The following TIGD1 variants were observed in gnomAD, a reference collection of about 807,000 sequenced individuals.
The protein encoded by TIGD1 is tigger transposable element derived 1, also known as tigger transposable element-derived protein 1.
A neutral mutation model predicts 21.3 loss-of-function variants in TIGD1; 20 were observed. The observed-to-expected ratio is 0.94, with a 90% CI of 0.66 to 1.36. The LOEUF (loss-of-function observed/expected upper bound fraction) is 1.36, where lower values mean the gene tolerates loss of function less well. TIGD1 is among the 40% of genes most tolerant of loss of function. The pLI, the probability that TIGD1 is intolerant of heterozygous loss-of-function variation, is 0.00. For missense variants in TIGD1, 556 were observed against 350.5 expected (o/e 1.59, Z -4.68); for synonymous variants, 177 against 123.2 (o/e 1.44, Z -2.89).
chr2:232,549,942 CAAG>C lies in TIGD1; in HGVS notation c.-63_-61del, dbSNP rs2106227594. 4 of 957,812 alleles carry C rather than the reference CAAG, an allele frequency of 4.2e-6. No individual in the cohort carries two copies. The South Asian group carries it at 7.2e-5, about 17-fold the overall frequency. The allele number at this position is 957,812 out of a possible 1,614,324, so 59.3% of individuals were successfully genotyped here. A position where few individuals can be genotyped will look rare whatever the true frequency, so the allele number is the denominator to read the frequency against. ...TTGTGTCTCAGGGAATAGGGAGGCC[CAAG>C]AAGAGGGAGAGAGATGGGGAACGGT... On this transcript the variant is annotated 5_prime_UTR_variant, in exon 1 of 1. Coordinates refer to ENST00000408957, the MANE Select transcript of TIGD1 (RefSeq NM_145702.4).
rs945826168 is a variant in TIGD1, at chr2:232,549,251, C to G, written c.632G>C (p.Gly211Ala). The G allele has an allele frequency of 3.0e-6, 2 of 664,740 alleles. No individual in the cohort carries two copies. Among genetic ancestry groups the G allele is most frequent in the Admixed American group, 4.2e-5 (2 of 47,080 alleles). 41.2% of individuals were successfully genotyped at this position (664,740 alleles called of 1,614,324 possible). Residue 211 changes from glycine to alanine, a missense_variant, in exon 1 of 1, where the codon GGC (glycine) becomes GCC (alanine). Transcript: ENST00000408957. ...FIAREEKSVP[G>A]FKASKDRLTL... ...CAGCCTGTCCTTTGAAGCTTTGAAGCCAGGCACTGACTTCTCCTCTCTAGC... is the reference window on the plus strand; with the variant it reads ...CAGCCTGTCCTTTGAAGCTTTGAAGGCAGGCACTGACTTCTCCTCTCTAGC...
chr2:232,545,619 G>A lies in TIGD1; in HGVS notation c.*2488C>T, dbSNP rs751750221. On this transcript the variant is annotated 3_prime_UTR_variant, in exon 1 of 1. Coordinates refer to ENST00000408957, the MANE Select transcript of TIGD1 (RefSeq NM_145702.4). ...CTGGCCATGCTCTCGCTCTTCATCTGTGGCACAGCTGGCATCTTCCTCATG... is the reference window on the plus strand; with the variant it reads ...CTGGCCATGCTCTCGCTCTTCATCTATGGCACAGCTGGCATCTTCCTCATG... 52 of 1,614,030 alleles carry A rather than the reference G, an allele frequency of 3.2e-5. No homozygotes were observed. The highest frequency in any genetic ancestry group is 4.1e-5 in the Non-Finnish European group (48 of 1,180,038).
Position 232,549,807 on chromosome 2 carries a change from G to A in TIGD1, c.76C>T (p.Leu26=), listed in dbSNP as rs1692239013. 1 of 1,546,394 alleles carries A rather than the reference G, an allele frequency of 6.5e-7. No homozygotes were observed. The part of the protein sequence containing the change: ...TLNQKLEMIK[L]SEEGMSKAEI... ...GCTTTTGACATACCTTCCTCACTCA[G>A]TTTAATCATTTCTAGTTTTTGATTT... is the stretch of plus-strand genomic sequence containing the variant. The change falls in exon 1 of 1, where the codon CTG becomes TTG. Residue 26 remains leucine, a synonymous_variant. Coordinates refer to ENST00000408957, the MANE Select transcript of TIGD1 (RefSeq NM_145702.4).
In TIGD1 at chr2:232,545,513, G is replaced by A. The variant is rs1692112040; in HGVS notation, c.*2594C>T. On this transcript the variant is annotated 3_prime_UTR_variant, in exon 1 of 1. Coordinates refer to ENST00000408957, the MANE Select transcript of TIGD1 (RefSeq NM_145702.4). ...CCAGGGAAGACCTGGTGCCGCCGCT[G>A]GTTATCCCACACCTGCCTCCCACCC... is the stretch of plus-strand genomic sequence containing the variant. 2 of 1,608,630 alleles carry A rather than the reference G, an allele frequency of 1.2e-6. No individual in the cohort carries two copies. The highest frequency in any genetic ancestry group is 2.2e-5 in the East Asian group (1 of 44,738).
Position 232,547,930 on chromosome 2 carries a change from G to A in TIGD1, c.*177C>T. 1 of 444,186 alleles carries A rather than the reference G, an allele frequency of 2.3e-6. No homozygotes were observed. Among genetic ancestry groups the A allele is most frequent in the East Asian group, 3.5e-5 (1 of 28,506 alleles). The allele number at this position is 444,186 out of a possible 1,614,324, so 27.5% of individuals were successfully genotyped here. A position where few individuals can be genotyped will look rare whatever the true frequency, so the allele number is the denominator to read the frequency against. Reference sequence around the variant, plus strand: ...GAGGCATACCTCAAAGACATTGCAGGTTCAGTTCCAGACCAACACAAGAAA... The same window carrying A: ...GAGGCATACCTCAAAGACATTGCAGATTCAGTTCCAGACCAACACAAGAAA... On this transcript the variant is annotated 3_prime_UTR_variant, in exon 1 of 1. Coordinates refer to ENST00000408957, the MANE Select transcript of TIGD1 (RefSeq NM_145702.4).
In TIGD1 at chr2:232,549,566, T is replaced by C. The variant is rs1405628978; in HGVS notation, c.317A>G (p.Gln106Arg). 2.2e-5 allele frequency: 15 copies of C among 673,810 alleles called. No individual in the cohort carries two copies. Among genetic ancestry groups the C allele is most frequent in the Non-Finnish European group, 3.7e-5 (14 of 374,678 alleles). 41.7% of individuals were successfully genotyped at this position (673,810 alleles called of 1,614,324 possible). Residue 106 changes from glutamine (Q) to arginine (R), a missense_variant, in exon 1 of 1, where the codon CAG becomes CGG. Coordinates refer to ENST00000408957, the MANE Select transcript of TIGD1 (RefSeq NM_145702.4). Reference sequence around the variant, plus strand: ...GTTGAAGAGAGTTAGGGCTTTGTTCTGGATTAGGCTTTGGCTTAAGGGAAT... The same window carrying C: ...GTTGAAGAGAGTTAGGGCTTTGTTCCGGATTAGGCTTTGGCTTAAGGGAAT... ...RNIPLSQSLI[Q>R]NKALTLFNSM...
Position 232,544,469 on chromosome 2 carries a change from G to A in TIGD1, c.*3638C>T, listed in dbSNP as rs1356150480. 2.5e-6 allele frequency: 4 copies of A among 1,613,676 alleles called. No individual in the cohort carries two copies. In the Admixed American group the frequency reaches 5.0e-5, roughly 20 times the overall value. Reference sequence around the variant, plus strand: ...GTCCCGGCTACAGAATGGCTCCTCGGGATGGTCGATCACAACTGGGGAGGA... The same window carrying A: ...GTCCCGGCTACAGAATGGCTCCTCGAGATGGTCGATCACAACTGGGGAGGA... On this transcript the variant is annotated 3_prime_UTR_variant, in exon 1 of 1. Coordinates refer to ENST00000408957, the MANE Select transcript of TIGD1 (RefSeq NM_145702.4).
rs974523110 is a variant in TIGD1 at position 232,545,834 on chromosome 2, T to C, written c.*2273A>G. 5.1e-6 allele frequency: 6 copies of C among 1,174,750 alleles called. No individual in the cohort carries two copies. The highest frequency in any genetic ancestry group is 1.8e-5 in the Admixed American group (1 of 55,074). 72.8% of individuals were successfully genotyped at this position (1,174,750 alleles called of 1,614,324 possible). On this transcript the variant is annotated 3_prime_UTR_variant, in exon 1 of 1. Coordinates refer to ENST00000408957, the MANE Select transcript of TIGD1 (RefSeq NM_145702.4). ...CTCTTTGGGAAGTGCCCTTCAGGAC[T>C]GTGTGAGCCAAACAGCCCTGAGAAA...
rs1361852837 is a variant in TIGD1, at chr2:232,548,519, AAAGTTTT to A, written c.1357_1363del (p.Lys453Ter). On this transcript the variant is annotated frameshift_variant, in exon 1 of 1. Transcript: ENST00000408957. LOFTEE classifies it high-confidence loss of function. The stretch of plus-strand genomic sequence containing the variant: ...CATAAGAAACAACTCCTCATCTGTT[AAAGTTTT>A]ATCATGAGATTGCAGCAATTCAGTT... 1 of 652,452 alleles carries A rather than the reference AAAGTTTT, an allele frequency of 1.5e-6. No homozygotes were observed. Among genetic ancestry groups the A allele is most frequent in the African/African-American group, 1.8e-5 (1 of 56,454 alleles). The allele number at this position is 652,452 out of a possible 1,614,324, so 40.4% of individuals were successfully genotyped here. A position where few individuals can be genotyped will look rare whatever the true frequency, so the allele number is the denominator to read the frequency against.
rs759015914 is a variant in TIGD1, at chr2:232,544,413, C to T, written c.*3694G>A. ...CAGCTGCTGAGGATGCACGTTCGCC[C>T]GCTGGCCCCGGCAGCTGTGCAGGAC... is the stretch of plus-strand genomic sequence containing the variant. On this transcript the variant is annotated 3_prime_UTR_variant, in exon 1 of 1. Coordinates refer to ENST00000408957, the MANE Select transcript of TIGD1 (RefSeq NM_145702.4). 12 of 1,613,430 alleles carry T rather than the reference C, an allele frequency of 7.4e-6. No individual in the cohort carries two copies. The highest frequency in any genetic ancestry group is 4.0e-5 in the African/African-American group (3 of 74,922).
Position 232,543,955 on chromosome 2 carries a change from C to T in TIGD1, c.*4152G>A, listed in dbSNP as rs959620247. Among the ~76,000 whole-genome samples, 8 of 152,216 alleles carry T rather than the reference C, an allele frequency of 5.3e-5. No homozygotes were observed. Among genetic ancestry groups the T allele is most frequent in the South Asian group, 2.1e-4 (1 of 4,832 alleles). ...CCAATTACAGATGAGGACGTTGAGG[C>T]GCAGAGAGGTTAAGTAACCTGCCCA... On this transcript the variant is annotated 3_prime_UTR_variant, in exon 1 of 1. Coordinates refer to ENST00000408957, the MANE Select transcript of TIGD1 (RefSeq NM_145702.4).
chr2:232,549,887 G>A lies in TIGD1; in HGVS notation c.-5C>T, dbSNP rs1446497175. The stretch of plus-strand genomic sequence containing the variant: ...ACTTGAGCACTTAGAGGCCATTGCA[G>A]AGTCATTAATTCGCCTAATCTCAAT... On this transcript the variant is annotated 5_prime_UTR_variant, in exon 1 of 1. Transcript: ENST00000408957. 2.8e-6 allele frequency: 4 copies of A among 1,414,072 alleles called. 1 individual carries two copies. Among genetic ancestry groups the A allele is most frequent in the East Asian group, 5.0e-5 (2 of 40,010 alleles). 87.6% of individuals were successfully genotyped at this position (1,414,072 alleles called of 1,614,324 possible). A position where few individuals can be genotyped will look rare whatever the true frequency, so the allele number is the denominator to read the frequency against.
Position 232,548,804 on chromosome 2 carries a change from C to T in TIGD1, c.1079G>A (p.Ser360Asn), listed in dbSNP as rs1464882390. The T allele has an allele frequency of 1.8e-6, 1 of 561,342 alleles. No individual in the cohort carries two copies. Among genetic ancestry groups the T allele is most frequent in the East Asian group, 4.2e-5 (1 of 23,662 alleles). The allele number at this position is 561,342 out of a possible 1,614,324, so 34.8% of individuals were successfully genotyped here. The change falls in exon 1 of 1, where the codon AGT (serine) becomes AAT (asparagine). Residue 360 changes from serine to asparagine, a missense_variant. Physicochemically the swap from Ser to Asn is conservative, Grantham distance 46. Transcript: ENST00000408957. Reference sequence around the variant, plus strand: ...TTGCCCAGATCCATCAGAGACATCACTATCCATGGCAGCTAGAGCCTTATG... The same window carrying T: ...TTGCCCAGATCCATCAGAGACATCATTATCCATGGCAGCTAGAGCCTTATG... ...TFHKALAAMD[S>N]DVSDGSGQSK...
chr2:232,548,643 A>G lies in TIGD1; in HGVS notation c.1240T>C (p.Tyr414His). The change falls in exon 1 of 1, where the codon TAT becomes CAT. Residue 414 changes from tyrosine to histidine, a missense_variant. Transcript: ENST00000408957. Reference sequence around the variant, plus strand: ...TCCACTGAAGTCTTGAACCCCTCATAGTCATCAATGAGGGTGGGAATCAAC... The same window carrying G: ...TCCACTGAAGTCTTGAACCCCTCATGGTCATCAATGAGGGTGGGAATCAAC... ...KKLIPTLIDD[Y>H]EGFKTSVEEV... 2.0e-6 allele frequency: 1 copy of G among 508,256 alleles called. No homozygotes were observed. The highest frequency in any genetic ancestry group is 3.7e-6 in the Non-Finnish European group (1 of 268,246). The allele number at this position is 508,256 out of a possible 1,614,324, so 31.5% of individuals were successfully genotyped here.
In TIGD1 at chr2:232,545,675, T is replaced by C; in HGVS notation, c.*2432A>G. On this transcript the variant is annotated 3_prime_UTR_variant, in exon 1 of 1. Coordinates refer to ENST00000408957, the MANE Select transcript of TIGD1 (RefSeq NM_145702.4). ...CTACAACCGGGTGCCGGCCCTGCCA[T>C]TCCCTGGAGATCCACGCCCCTACCT... The C allele has an allele frequency of 6.2e-7, 1 of 1,614,160 alleles. No individual in the cohort carries two copies. Among genetic ancestry groups the C allele is most frequent in the East Asian group, 2.2e-5 (1 of 44,888 alleles).
rs760473901 is a variant in TIGD1, at chr2:232,544,544, C to T, written c.*3563G>A. On this transcript the variant is annotated 3_prime_UTR_variant, in exon 1 of 1. Transcript: ENST00000408957. The stretch of plus-strand genomic sequence containing the variant: ...TGAACTCCTCTTCCAGCAGTGGCAG[C>T]GGCAAGGGCTGGTGGCGGCAGCGCT... 1.9e-5 allele frequency: 30 copies of T among 1,613,568 alleles called. No homozygotes were observed. The highest frequency in any genetic ancestry group is 2.4e-5 in the Non-Finnish European group (28 of 1,179,912).
In TIGD1 at chr2:232,544,340, G is replaced by A. The variant is rs1692079607; in HGVS notation, c.*3767C>T. 1.3e-6 allele frequency: 2 copies of A among 1,571,164 alleles called. No homozygotes were observed. Among genetic ancestry groups the A allele is most frequent in the African/African-American group, 1.3e-5 (1 of 74,108 alleles). On this transcript the variant is annotated 3_prime_UTR_variant, in exon 1 of 1. Transcript: ENST00000408957. ...CTTCTGCTCTGAAGCTCGGCCTGCT[G>A]CCCTAGTGAAGCCACCCCCTCTCTA...
chr2:232,544,645 C>T lies in TIGD1; in HGVS notation c.*3462G>A, dbSNP rs1440922884. The stretch of plus-strand genomic sequence containing the variant: ...GGGACCCCAGCTGGGGAGCCAGGCA[C>T]AGCAGATGAGTGCTGGAGAAGTGCC... On this transcript the variant is annotated 3_prime_UTR_variant, in exon 1 of 1. Coordinates refer to ENST00000408957, the MANE Select transcript of TIGD1 (RefSeq NM_145702.4). 2.6e-6 allele frequency: 4 copies of T among 1,567,730 alleles called. No individual in the cohort carries two copies. The Admixed American group carries it at 6.7e-5, about 26-fold the overall frequency.
In TIGD1 at chr2:232,545,425, G is replaced by C; in HGVS notation, c.*2682C>G. On this transcript the variant is annotated 3_prime_UTR_variant, in exon 1 of 1. Coordinates refer to ENST00000408957, the MANE Select transcript of TIGD1 (RefSeq NM_145702.4). ...GCCACCAGTTGGGACCCGGACATAG[G>C]TAAGAAGGGCCCCAGGAAATGGAGA... is the stretch of plus-strand genomic sequence containing the variant. 1 of 960,630 alleles carries C rather than the reference G, an allele frequency of 1.0e-6. No homozygotes were observed. Among genetic ancestry groups the C allele is most frequent in the Non-Finnish European group, 1.6e-6 (1 of 622,360 alleles). The allele number at this position is 960,630 out of a possible 1,614,324, so 59.5% of individuals were successfully genotyped here.
Sources: allele counts gnomAD v4.1 joint callset (sites outside exome capture counted in the v4.1 genomes callset), GRCh38; gene constraint gnomAD v4.1.1; transcripts MANE v1.5; gene names NCBI Gene and HGNC (gene_info 2026-07-23, HGNC 2026-07-21).